The following FNIP2 variants were observed in gnomAD, a reference collection of about 807,000 sequenced individuals.
FNIP2 encodes folliculin interacting protein 2, also known as folliculin-interacting protein 2.
A neutral mutation model predicts 108.7 loss-of-function variants in FNIP2; 32 were observed. The observed-to-expected ratio is 0.29, with a 90% CI of 0.22 to 0.40. FNIP2 has a LOEUF of 0.40. FNIP2 is among the 10% of genes least tolerant of loss of function. The pLI, the probability that FNIP2 is intolerant of heterozygous loss-of-function variation, is 1.00. For missense variants in FNIP2, 1,202 were observed against 1,381.6 expected, an observed-to-expected ratio of 0.87 and a Z score of 2.06; for synonymous variants, 480 against 496.7, an observed-to-expected ratio of 0.97 and a Z score of 0.45.
At chr4:158,789,247 A>G (rs960076225) in intron 1 of FNIP2, among the ~76,000 whole-genome samples, 1 of 152,172 alleles carries the variant, frequency 6.6e-6, no homozygotes, top group Non-Finnish European at 1.5e-5. Context: ...ATCCCAAGCT[A>G]CTTTCACAGC....
chr4:158,860,777 C>T (rs1448315398), intron 10 of FNIP2, among the ~76,000 whole-genome samples: 1 of 151,814 alleles, frequency 6.6e-6, no homozygotes, highest in Non-Finnish European at 1.5e-5. Context: ...CTGCCTCAGC[C>T]TCCCGAGTAG....
At chr4:158,805,671 G>A (rs530102450) in intron 1 of FNIP2, among the ~76,000 whole-genome samples, 60 of 152,368 alleles carry the variant, frequency 3.9e-4, no homozygotes, top group Non-Finnish European at 6.0e-4. Context: ...AGATTGCAGA[G>A]TAAGACCTGT....
At chr4:158,854,701 G>A (rs1779887666) in intron 8 of FNIP2, among the ~76,000 whole-genome samples, 1 of 152,236 alleles carries the variant, frequency 6.6e-6, no homozygotes, top group African/African-American at 2.4e-5. Context: ...GTTCAACACA[G>A]AATGGACTGC....
At chr4:158,866,343 C>T (rs1207759219) in intron 12 of FNIP2, among the ~76,000 whole-genome samples, 22 of 146,808 alleles carry the variant, frequency 1.5e-4, no homozygotes, top group African/African-American at 4.8e-4. Context: ...CTCAGCCTCC[C>T]GAGTAGCTAG....
intron 1 of FNIP2, among the ~76,000 whole-genome samples, chr4:158,805,689 C>T (rs908118467): frequency 2.6e-5 from 4 of 152,226 alleles, no homozygotes; most frequent in Non-Finnish European, 5.9e-5. Flanking sequence ...TGTCAGCTGA[C>T]ACTGGCTCAC....
intron 1 of FNIP2, among the ~76,000 whole-genome samples, chr4:158,788,500 C>CT (rs1374549341): frequency 6.6e-6 from 1 of 152,018 alleles, no homozygotes; most frequent in African/African-American, 2.4e-5. Flanking sequence ...ATCTTTTTGC[C>CT]TTTTATTTGG....
chr4:158,805,511 A>G (rs1776915736), intron 1 of FNIP2, among the ~76,000 whole-genome samples: 1 of 152,172 alleles, frequency 6.6e-6, no homozygotes, highest in Non-Finnish European at 1.5e-5. Context: ...CTGAGGGTTT[A>G]TGGCTGCTCG....
chr4:158,861,670 G>A lies in FNIP2; in HGVS notation c.1359G>A (p.Met453Ile). The change falls in exon 12 of 17, where the codon ATG (methionine) becomes ATA (isoleucine). Residue 453 changes from methionine (M) to isoleucine (I), a missense_variant. Physicochemically the swap from Met to Ile is conservative, Grantham distance 10 (BLOSUM62 1). Transcript: ENST00000264433. Reference sequence around the variant, plus strand: ...ACCTGGCCTGGGTCCCAACTGTCATGCCTGTGGATCACCCTCCCATCAAAG... The same window carrying A: ...ACCTGGCCTGGGTCCCAACTGTCATACCTGTGGATCACCCTCCCATCAAAG... ...TYHLAWVPTVMPVDHPPIKAF... is the reference protein window; with the variant it reads ...TYHLAWVPTVIPVDHPPIKAF... 1 of 1,614,038 alleles carries A rather than the reference G, an allele frequency of 6.2e-7. No homozygotes were observed. Among genetic ancestry groups the A allele is most frequent in the Non-Finnish European group, 8.5e-7 (1 of 1,179,902 alleles).
chr4:158,834,083 C>T (rs767340740), intron 6 of FNIP2: 7 of 282,218 alleles, frequency 2.5e-5, no homozygotes, highest in African/African-American at 4.5e-5. Context: ...TAAATGTCTT[C>T]GCTAATACTC....
chr4:158,858,233 G>A (rs983273579), intron 8 of FNIP2, among the ~76,000 whole-genome samples: 4 of 152,150 alleles, frequency 2.6e-5, no homozygotes, highest in Non-Finnish European at 5.9e-5. Flanking sequence ...AAAATGTATC[G>A]CCAGTCTAGG....
intron 1 of FNIP2, among the ~76,000 whole-genome samples, chr4:158,823,022 A>C (rs556534996): frequency 2.6e-5 from 4 of 152,322 alleles, no homozygotes; most frequent in Admixed American, 6.5e-5. Flanking sequence ...ATTAAATTTT[A>C]TCTCTTCTAA....
At chr4:158,834,288 TTCTCTCTCTCTCTCTCTC>T (rs71587480) in intron 6 of FNIP2, 18 of 63,220 alleles carry the variant, frequency 2.8e-4, no homozygotes, top group African/African-American at 9.4e-4. Flanking sequence ...CATGGAAGAC[TTCTCTCTCTCTCTCTCTC>T]TCTCTCTCTC....
At chr4:158,891,747 T>C in intron 15 of FNIP2, 101 bp downstream of exon 15, 1 of 1,130,508 alleles carries the variant, frequency 8.8e-7, no homozygotes, top group Non-Finnish European at 1.2e-6. Flanking sequence ...TGTTTTAATA[T>C]AATTGGAGAT....
At chr4:158,866,460 C>T (rs1316979677) in intron 12 of FNIP2, among the ~76,000 whole-genome samples, 3 of 150,916 alleles carry the variant, frequency 2.0e-5, no homozygotes, top group Non-Finnish European at 4.4e-5. Context: ...TCAAGTGATC[C>T]GCCCACCTCG....
At chr4:158,788,792 A>G (rs180908960) in intron 1 of FNIP2, among the ~76,000 whole-genome samples, 14 of 152,286 alleles carry the variant, frequency 9.2e-5, no homozygotes, top group Non-Finnish European at 1.5e-4. Context: ...CCTGCTCCCC[A>G]GCTCTCTAAA....
At chr4:158,833,016 A>G (rs1324778700) in intron 5 of FNIP2, among the ~76,000 whole-genome samples, 1 of 152,202 alleles carries the variant, frequency 6.6e-6, no homozygotes, top group Non-Finnish European at 1.5e-5. Context: ...AATTCTTTTT[A>G]GAAGTTGTGA....
intron 1 of FNIP2, among the ~76,000 whole-genome samples, chr4:158,796,825 G>A (rs1199388906): frequency 1.3e-5 from 2 of 152,170 alleles, no homozygotes; most frequent in Non-Finnish European, 2.9e-5. Flanking sequence ...ATAGGTAGTG[G>A]ATGACTAGGC....
chr4:158,769,438 G>C, intron 1 of FNIP2, 119 bp downstream of exon 1: 2 of 549,666 alleles, frequency 3.6e-6, no homozygotes, highest in Non-Finnish European at 5.5e-6. Flanking sequence ...GCCTATCGCC[G>C]GCACCTGGTC....
chr4:158,870,335 A>C lies in FNIP2; in HGVS notation c.2815A>C (p.Asn939His). Residue 939 changes from asparagine to histidine, a missense_variant, in exon 14 of 17, where the codon AAT (asparagine) becomes CAT (histidine). This residue lies in a region of FNIP2 where 878 missense variants were observed against 990.3 expected (regional missense o/e 0.89). Coordinates refer to ENST00000264433, the MANE Select transcript of FNIP2 (RefSeq NM_020840.3). ...TAGGTCTCAGAGCATCAGCACCCAG[A>C]ATGTAAGGAACTTTGGCCGCTCACT... ...LPRSQSISTQ[N>H]VRNFGRSLLA... 1 of 1,613,874 alleles carries C rather than the reference A, an allele frequency of 6.2e-7. No homozygotes were observed. Among genetic ancestry groups the C allele is most frequent in the Non-Finnish European group, 8.5e-7 (1 of 1,179,750 alleles).
Sources: gnomAD v4.1 joint callset for allele counts (sites outside exome capture counted in the v4.1 genomes callset) on GRCh38, gnomAD v4.1.1 for gene constraint, gnomAD v4.1.1 regional missense constraint, MANE v1.5 for transcripts, NCBI Gene and HGNC (gene_info 2026-07-23, HGNC 2026-07-21) for gene names.